PDE4D: variants seen among roughly 807,000 people sequenced by gnomAD.
PDE4D encodes the protein 3',5'-cyclic-AMP phosphodiesterase 4D.
In PDE4D, 24 loss-of-function variants were observed where a neutral mutation model predicts 87.4. That is an observed-to-expected ratio of 0.27 (90% CI 0.20 to 0.39). The LOEUF (loss-of-function observed/expected upper bound fraction) is 0.39. PDE4D is among the 10% of genes least tolerant of loss of function. PDE4D has a pLI of 1.00. For synonymous variants in PDE4D, 384 were observed against 383.2 expected (o/e 1.00, Z -0.02); for missense variants, 714 against 1,041.0 (o/e 0.69, Z 4.32).
intron 3 of PDE4D, among the ~76,000 whole-genome samples, chr5:59,900,092 T>G (rs1752077308): frequency 6.6e-6 from 1 of 151,750 alleles, no homozygotes; most frequent in Admixed American, 6.6e-5. Context: ...ATACAAAAAC[T>G]AGCCAGGTGT....
At chr5:59,004,432 T>C (rs1751165062) in intron 6 of PDE4D, among the ~76,000 whole-genome samples, 3 of 152,208 alleles carry the variant, frequency 2.0e-5, no homozygotes, top group Non-Finnish European at 1.5e-5. Context: ...GGGTTTGCTA[T>C]GATTTCTCTT....
chr5:59,455,908 C>T lies in PDE4D; in HGVS notation c.456-239940G>A, dbSNP rs995968855. ...TGGACTTGCATGGGGCCTATGGCCC[C>T]TTTGTTTTGGCCAATTTCTTCCATT... On this transcript the variant is annotated intron_variant, in intron 1 of 14. Coordinates refer to ENST00000340635, the MANE Select transcript of PDE4D (RefSeq NM_001104631.2). Among the ~76,000 whole-genome samples the T allele has an allele frequency of 2.8e-4, 43 of 152,208 alleles. 1 individual carries two copies. Among genetic ancestry groups the T allele is most frequent in the Non-Finnish European group, 2.9e-4 (20 of 68,040 alleles).
intron 1 of PDE4D, among the ~76,000 whole-genome samples, chr5:59,684,456 T>G (rs1056506019): frequency 6.6e-6 from 1 of 152,146 alleles, no homozygotes; most frequent in Non-Finnish European, 1.5e-5. Context: ...TACAAGAATT[T>G]TTGAATTACA....
At chr5:59,970,788 A>T (rs891251568) in intron 3 of PDE4D, among the ~76,000 whole-genome samples, 1 of 147,828 alleles carries the variant, frequency 6.8e-6, no homozygotes, top group Non-Finnish European at 1.5e-5. Flanking sequence ...CCATTGTGGA[A>T]GTCAGTGTGG....
intron 1 of PDE4D, among the ~76,000 whole-genome samples, chr5:59,648,733 A>T (rs1184525040): frequency 2.0e-5 from 3 of 152,140 alleles, no homozygotes; most frequent in African/African-American, 7.2e-5. Context: ...AAAAAAAAAA[A>T]AATAAGGTTT....
chr5:60,084,163 C>A (rs1007607863), intron 2 of PDE4D, among the ~76,000 whole-genome samples: 12 of 152,054 alleles, frequency 7.9e-5, no homozygotes, highest in African/African-American at 2.9e-4. Flanking sequence ...AAGAAATAAA[C>A]CCCTTATCTG....
At chr5:59,993,811 G>A (rs755521462) in intron 2 of PDE4D, among the ~76,000 whole-genome samples, 19 of 151,930 alleles carry the variant, frequency 1.3e-4, no homozygotes, top group Non-Finnish European at 2.5e-4. Context: ...TTCAAGATAT[G>A]CAATATCAAA....
At chr5:59,945,010 A>G (rs1204023382) in intron 3 of PDE4D, among the ~76,000 whole-genome samples, 3 of 152,202 alleles carry the variant, frequency 2.0e-5, no homozygotes, top group Non-Finnish European at 2.9e-5. Flanking sequence ...TAAGATATAC[A>G]CTGTTACATG....
At chr5:59,638,701 A>G (rs1741023698) in intron 1 of PDE4D, among the ~76,000 whole-genome samples, 1 of 151,986 alleles carries the variant, frequency 6.6e-6, no homozygotes, top group African/African-American at 2.4e-5. Context: ...TTTTTTTTTA[A>G]AGAAATGTAA....
At chr5:60,420,521 A>G (rs1160384201) in intron 1 of PDE4D, among the ~76,000 whole-genome samples, 1 of 152,230 alleles carries the variant, frequency 6.6e-6, no homozygotes, top group Non-Finnish European at 1.5e-5. Flanking sequence ...ATGATAACAC[A>G]TTGTCCAAAA....
At chr5:59,247,459 T>C (rs1182976785) in intron 1 of PDE4D, among the ~76,000 whole-genome samples, 1 of 152,122 alleles carries the variant, frequency 6.6e-6, no homozygotes, top group East Asian at 1.9e-4. Context: ...AGAGCCTCCG[T>C]AATGGGCACT....
In PDE4D at chr5:60,428,929, G is replaced by A. The variant is rs566465089; in HGVS notation, c.-90+59013C>T. 5.9e-5 allele frequency among the ~76,000 whole-genome samples: 9 copies of A among 152,306 alleles called. No individual in the cohort carries two copies. In the South Asian group the frequency reaches 1.7e-3, roughly 28 times the overall value. ...AGACAGACTTCGGTCCAAAGTCCTT[G>A]ATACTAACAGTTAGGATCCCAAAAG... On this transcript the variant is annotated intron_variant, in intron 1 of 16. Coordinates refer to the PDE4D transcript ENST00000502484.
At chr5:59,384,128 ACTC>A (rs999326046) in intron 1 of PDE4D, among the ~76,000 whole-genome samples, 1 of 151,724 alleles carries the variant, frequency 6.6e-6, no homozygotes, top group African/African-American at 2.4e-5. Context: ...CTGGTCATGA[ACTC>A]CTGGACTCGA....
intron 1 of PDE4D, among the ~76,000 whole-genome samples, chr5:59,373,622 C>A (rs1186460547): frequency 2.6e-5 from 4 of 152,120 alleles, no homozygotes; most frequent in Non-Finnish European, 5.9e-5. Flanking sequence ...AGAGTGTTAT[C>A]CATGAGAACT....
At chr5:59,593,280 T>C (rs1309100090) in intron 1 of PDE4D, among the ~76,000 whole-genome samples, 1 of 150,806 alleles carries the variant, frequency 6.6e-6, no homozygotes, top group South Asian at 2.1e-4. Context: ...TTACTCATAT[T>C]ATCAGCTGGG....
intron 1 of PDE4D, among the ~76,000 whole-genome samples, chr5:59,241,318 G>A (rs1390535887): frequency 6.6e-6 from 1 of 152,152 alleles, no homozygotes; most frequent in Non-Finnish European, 1.5e-5. Context: ...TCTTTCTGAG[G>A]AGTGGCAACT....
intron 1 of PDE4D, among the ~76,000 whole-genome samples, chr5:60,244,554 A>G (rs1018391809): frequency 3.9e-5 from 6 of 152,034 alleles, no homozygotes; most frequent in East Asian, 3.9e-4. Flanking sequence ...AAATTATACT[A>G]TAGAGCTATA....
At chr5:59,378,541 T>C (rs1391655268) in intron 1 of PDE4D, among the ~76,000 whole-genome samples, 1 of 152,138 alleles carries the variant, frequency 6.6e-6, no homozygotes, top group African/African-American at 2.4e-5. Context: ...GTTAGAAAAA[T>C]ACATAGTGAA....
intron 2 of PDE4D, among the ~76,000 whole-genome samples, chr5:60,164,654 A>G (rs1244603575): frequency 6.6e-6 from 1 of 152,218 alleles, no homozygotes; most frequent in East Asian, 1.9e-4. Flanking sequence ...TGATATAGCC[A>G]ACATGGAACT....
Sources: gnomAD v4.1 joint callset for allele counts (sites outside exome capture counted in the v4.1 genomes callset) on GRCh38, gnomAD v4.1.1 for gene constraint, MANE v1.5 for transcripts, NCBI Gene and HGNC (gene_info 2026-07-23, HGNC 2026-07-21) for gene names.